The following NKX2-8 variants were observed in gnomAD, a reference collection of about 807,000 sequenced individuals.
NKX2-8 encodes the protein homeobox protein Nkx-2.8.
In NKX2-8, 8 loss-of-function variants were observed where a neutral mutation model predicts 6.4. That is an observed-to-expected ratio of 1.24 (90% CI 0.73 to 2.24). The LOEUF (loss-of-function observed/expected upper bound fraction) is 2.24. Among genes scored for constraint, NKX2-8 ranks in the 30% most tolerant of loss-of-function variants. The pLI is 0.00. For missense variants in NKX2-8, 406 were observed against 351.1 expected (o/e 1.16, Z -1.25); for synonymous variants, 216 against 171.5 (o/e 1.26, Z -2.03).
At position 36,580,999 on chromosome 14, in the gene NKX2-8, A is replaced by G; in HGVS notation, c.623T>C (p.Leu208Pro). The G allele has an allele frequency of 7.4e-7, 1 of 1,350,046 alleles. No individual in the cohort carries two copies. The highest frequency in any genetic ancestry group is 2.0e-5 in the South Asian group (1 of 49,144). 83.6% of individuals were successfully genotyped at this position (1,350,046 alleles called of 1,614,324 possible). A position where few individuals can be genotyped will look rare whatever the true frequency, so the allele number is the denominator to read the frequency against. The change falls in exon 2 of 2, where the codon CTG (leucine) becomes CCG (proline). Residue 208 changes from leucine to proline, a missense_variant. Transcript: ENST00000258829. ...CGAPPAAACP[L>P]PGYPAFGPGS... ...GGGACCGAAGGCAGGGTAGCCCGGCAGAGGGCAGGCGGCGGCTGGAGGGGC... is the reference window on the plus strand; with the variant it reads ...GGGACCGAAGGCAGGGTAGCCCGGCGGAGGGCAGGCGGCGGCTGGAGGGGC...
In NKX2-8 at chr14:36,581,004, G is replaced by A. The variant is rs960854205; in HGVS notation, c.618C>T (p.Cys206=). ...EKCGAPPAAA[C]PLPGYPAFGP... ...CGAAGGCAGGGTAGCCCGGCAGAGG[G>A]CAGGCGGCGGCTGGAGGGGCGCCGC... Residue 206 remains cysteine (C), a synonymous_variant, in exon 2 of 2, where the codon TGC becomes TGT. Transcript: ENST00000258829. The surrounding 1 kb of genome is among the most constrained non-coding windows in gnomAD (Gnocchi z 5.6). 1.5e-6 allele frequency: 2 copies of A among 1,349,598 alleles called. No individual in the cohort carries two copies. Among genetic ancestry groups the A allele is most frequent in the Admixed American group, 8.2e-5 (2 of 24,392 alleles). 83.6% of individuals were successfully genotyped at this position (1,349,598 alleles called of 1,614,324 possible).
chr14:36,580,172 G>A lies in NKX2-8; in HGVS notation c.*730C>T, dbSNP rs1482744427. Among the ~76,000 whole-genome samples the A allele has an allele frequency of 6.6e-6, 1 of 152,168 alleles. No individual in the cohort carries two copies. The highest frequency in any genetic ancestry group is 2.4e-5 in the African/African-American group (1 of 41,432). ...TCCGGTGCAGCGCGCCCCGCACCTG[G>A]CCTCGCCGGCTCATCTCCGGAGAAA... is the stretch of plus-strand genomic sequence containing the variant. On this transcript the variant is annotated 3_prime_UTR_variant, in exon 2 of 2. Transcript: ENST00000258829.
chr14:36,581,413 G>C lies in NKX2-8; in HGVS notation c.209C>G (p.Pro70Arg). 1.3e-6 allele frequency: 2 copies of C among 1,592,626 alleles called. No individual in the cohort carries two copies. The highest frequency in any genetic ancestry group is 1.7e-4 in the Middle Eastern group (1 of 5,830). Residue 70 changes from proline (P) to arginine (R), a missense_variant, in exon 2 of 2, where the codon CCG becomes CGG. Pro to Arg is a moderately radical substitution (Grantham distance 103, BLOSUM62 -2). Transcript: ENST00000258829. The surrounding 1 kb of genome is among the most constrained non-coding windows in gnomAD (Gnocchi z 5.6). ...ETSPPDSSQR[P>R]SARPASPGSD... ...GCCCGGAGACGCGGGCCTAGCGGAC[G>C]GCCGCTGCGACGAGTCTGGCGGGCT...
In NKX2-8 at chr14:36,581,793, G is replaced by T. The variant is rs1043473647; in HGVS notation, c.158-329C>A. Among the ~76,000 whole-genome samples, 3 of 152,104 alleles carry T rather than the reference G, an allele frequency of 2.0e-5. No homozygotes were observed. The highest frequency in any genetic ancestry group is 4.4e-5 in the Non-Finnish European group (3 of 68,020). ...CACCAGCGCCGGCCTCCTCCAGGTC[G>T]ACTGCACTGCAGTGTGCCGAGGTTT... On this transcript the variant is annotated intron_variant, in intron 1 of 1. Transcript: ENST00000258829. The surrounding 1 kb of genome is among the most constrained non-coding windows in gnomAD (Gnocchi z 5.6).
In NKX2-8 at chr14:36,581,077, C is replaced by T. The variant is rs1420437571; in HGVS notation, c.545G>A (p.Gly182Asp). 6 of 1,397,406 alleles carry T rather than the reference C, an allele frequency of 4.3e-6. No individual in the cohort carries two copies. The highest frequency in any genetic ancestry group is 3.0e-5 in the African/African-American group (2 of 65,974). The allele number at this position is 1,397,406 out of a possible 1,614,324, so 86.6% of individuals were successfully genotyped here. The change falls in exon 2 of 2, where the codon GGC becomes GAC. Residue 182 changes from glycine to aspartate, a missense_variant. Gly to Asp is a moderately conservative substitution (Grantham distance 94). Coordinates refer to ENST00000258829, the MANE Select transcript of NKX2-8 (RefSeq NM_014360.4). This position sits in a 1 kb window ranked among gnomAD's most constrained non-coding sequence, Gnocchi z 5.6. ...TCCCACCTCGCCACCGCCGCCGCCGCCGCACGGCTGCCCGTCGCGAACAAG... is the reference window on the plus strand; with the variant it reads ...TCCCACCTCGCCACCGCCGCCGCCGTCGCACGGCTGCCCGTCGCGAACAAG... ...PVLVRDGQPC[G>D]GGGGGEVGTA...
In NKX2-8 at chr14:36,581,123, G is replaced by A; in HGVS notation, c.499C>T (p.Arg167Cys). Residue 167 changes from arginine (R) to cysteine (C), a missense_variant, in exon 2 of 2, where the codon CGT (arginine) becomes TGT (cysteine). By Grantham distance (180) the Arg-to-Cys change is radical. Coordinates refer to ENST00000258829, the MANE Select transcript of NKX2-8 (RefSeq NM_014360.4). This position sits in a 1 kb window ranked among gnomAD's most constrained non-coding sequence, Gnocchi z 5.6. ...ACAAGCACCGGCACCACCACGCGACGCAGCAGGCCGGGCGCGGCGTGCAGC... is the reference window on the plus strand; with the variant it reads ...ACAAGCACCGGCACCACCACGCGACACAGCAGGCCGGGCGCGGCGTGCAGC... ...AELHAAPGLL[R>C]RVVVPVLVRD... The A allele has an allele frequency of 6.7e-7, 1 of 1,495,264 alleles. No homozygotes were observed. The highest frequency in any genetic ancestry group is 2.3e-5 in the Admixed American group (1 of 42,756). 92.6% of individuals were successfully genotyped at this position (1,495,264 alleles called of 1,614,324 possible). A position where few individuals can be genotyped will look rare whatever the true frequency, so the allele number is the denominator to read the frequency against.
chr14:36,582,092 G>T (rs1421436523), intron 1 of NKX2-8, 141 bp downstream of exon 1: 2 of 907,018 alleles, frequency 2.2e-6, no homozygotes, highest in Non-Finnish European at 3.2e-6. Flanking sequence ...TTCGAGGACA[G>T]GGCTCCCGTT....
Position 36,582,355 on chromosome 14 carries a change from C to T in NKX2-8, c.35G>A (p.Arg12His), listed in dbSNP as rs1177558428. The T allele has an allele frequency of 6.3e-7, 1 of 1,587,668 alleles. No individual in the cohort carries two copies. Among genetic ancestry groups the T allele is most frequent in the Non-Finnish European group, 8.6e-7 (1 of 1,164,242 alleles). The change falls in exon 1 of 2, where the codon CGC becomes CAC. Residue 12 changes from arginine to histidine, a missense_variant. Transcript: ENST00000258829. ...CTGCTCGGGTAAATCTAGAAGGCTGCGCACGGTGAAGCTCAGGCGTCCAGA... is the reference window on the plus strand; with the variant it reads ...CTGCTCGGGTAAATCTAGAAGGCTGTGCACGGTGAAGCTCAGGCGTCCAGA... ...ATSGRLSFTV[R>H]SLLDLPEQDA...
At position 36,582,285 on chromosome 14, in the gene NKX2-8, G is replaced by T. The variant is rs544030467; in HGVS notation, c.105C>A (p.Pro35=). Reference sequence around the variant, plus strand: ...GCCAGGCGGCGCAGGGGTCGGGCTGGGGGGCGCGTGGTTCTGGCTCCCGCC... The same window carrying T: ...GCCAGGCGGCGCAGGGGTCGGGCTGTGGGGCGCGTGGTTCTGGCTCCCGCC... ...LPRREPEPRA[P]QPDPCAAWLD... The change falls in exon 1 of 2, where the codon CCC becomes CCA. Residue 35 remains proline (P), a synonymous_variant. Transcript: ENST00000258829. 2.3e-4 allele frequency: 366 copies of T among 1,608,820 alleles called. No homozygotes were observed. Among genetic ancestry groups the T allele is most frequent in the African/African-American group, 2.1e-3 (154 of 74,954 alleles).
rs1474700362 is a variant in NKX2-8, at chr14:36,581,427, G to C, written c.195C>G (p.Asp65Glu). ...GCCTAGCGGACGGCCGCTGCGACGA[G>C]TCTGGCGGGCTGGTCTCCAGGCTGC... ...DESSLETSPPDSSQRPSARPA... is the reference protein window; with the variant it reads ...DESSLETSPPESSQRPSARPA... The change falls in exon 2 of 2, where the codon GAC becomes GAG. Residue 65 changes from aspartate (D) to glutamate (E), a missense_variant. By Grantham distance (45) the Asp-to-Glu change is conservative. Transcript: ENST00000258829. This position sits in a 1 kb window ranked among gnomAD's most constrained non-coding sequence, Gnocchi z 5.6. The C allele has an allele frequency of 6.3e-7, 1 of 1,587,090 alleles. No individual in the cohort carries two copies. The highest frequency in any genetic ancestry group is 8.6e-7 in the Non-Finnish European group (1 of 1,168,310).
In NKX2-8 at chr14:36,580,835, C is replaced by G. The variant is rs1193879100; in HGVS notation, c.*67G>C. 2 of 1,155,048 alleles carry G rather than the reference C, an allele frequency of 1.7e-6. No individual in the cohort carries two copies. Among genetic ancestry groups the G allele is most frequent in the African/African-American group, 1.6e-5 (1 of 62,688 alleles). 71.5% of individuals were successfully genotyped at this position (1,155,048 alleles called of 1,614,324 possible). ...CGGAGAGCGTTCCAGGCGTTCGGCT[C>G]CGGCCCTGCTCCAATCGCAGAGCGC... On this transcript the variant is annotated 3_prime_UTR_variant, in exon 2 of 2. Transcript: ENST00000258829.
chr14:36,580,801 G>GGAGGCGGACGGAGAGCGTTC lies in NKX2-8; in HGVS notation c.*81_*100dup, dbSNP rs1879195888. ...GGCGCCCAAGGAGATGGGGCTGCAG[G>GGAGGCGGACGGAGAGCGTTC]GAGGCGGACGGAGAGCGTTCCAGGC... On this transcript the variant is annotated 3_prime_UTR_variant, in exon 2 of 2. Coordinates refer to ENST00000258829, the MANE Select transcript of NKX2-8 (RefSeq NM_014360.4). The GGAGGCGGACGGAGAGCGTTC allele has an allele frequency of 5.7e-6, 5 of 879,494 alleles. No individual in the cohort carries two copies. In the South Asian group the frequency reaches 2.7e-4, roughly 48 times the overall value. 54.5% of individuals were successfully genotyped at this position (879,494 alleles called of 1,614,324 possible). A position where few individuals can be genotyped will look rare whatever the true frequency, so the allele number is the denominator to read the frequency against.
chr14:36,581,151 G>A lies in NKX2-8; in HGVS notation c.471C>T (p.Ala157=), dbSNP rs1417236694. 2.5e-6 allele frequency: 4 copies of A among 1,568,748 alleles called. No homozygotes were observed. The highest frequency in any genetic ancestry group is 2.3e-5 in the South Asian group (2 of 86,328). ...GCAGGCCGGGCGCGGCGTGCAGCTCGGCGGATGCTGCCAGGTCAGGCGACT... is the reference window on the plus strand; with the variant it reads ...GCAGGCCGGGCGCGGCGTGCAGCTCAGCGGATGCTGCCAGGTCAGGCGACT... The part of the protein sequence containing the change: ...AAESPDLAAS[A]ELHAAPGLLR... Residue 157 remains alanine, a synonymous_variant, in exon 2 of 2, where the codon GCC becomes GCT. Coordinates refer to ENST00000258829, the MANE Select transcript of NKX2-8 (RefSeq NM_014360.4). The surrounding 1 kb of genome is among the most constrained non-coding windows in gnomAD (Gnocchi z 5.6).
chr14:36,582,062 C>T (rs975635523), intron 1 of NKX2-8, among the ~76,000 whole-genome samples, 171 bp downstream of exon 1: 10 of 152,332 alleles, frequency 6.6e-5, no homozygotes, highest in Admixed American at 5.9e-4. Context: ...ATGTGCCGAC[C>T]GGGATGAATG....
Position 36,582,270 on chromosome 14 carries a change from G to A in NKX2-8, c.120C>T (p.Cys40=). 1 of 1,608,772 alleles carries A rather than the reference G, an allele frequency of 6.2e-7. No homozygotes were observed. Among genetic ancestry groups the A allele is most frequent in the Non-Finnish European group, 8.5e-7 (1 of 1,177,478 alleles). ...CGCGCTCCGAATCCAGCCAGGCGGCGCAGGGGTCGGGCTGGGGGGCGCGTG... is the reference window on the plus strand; with the variant it reads ...CGCGCTCCGAATCCAGCCAGGCGGCACAGGGGTCGGGCTGGGGGGCGCGTG... ...PEPRAPQPDP[C]AAWLDSERGH... Residue 40 remains cysteine, a synonymous_variant, in exon 1 of 2, where the codon TGC becomes TGT. Coordinates refer to ENST00000258829, the MANE Select transcript of NKX2-8 (RefSeq NM_014360.4).
chr14:36,580,179 C>A lies in NKX2-8; in HGVS notation c.*723G>T, dbSNP rs970742755. On this transcript the variant is annotated 3_prime_UTR_variant, in exon 2 of 2. Coordinates refer to ENST00000258829, the MANE Select transcript of NKX2-8 (RefSeq NM_014360.4). ...CAGCGCGCCCCGCACCTGGCCTCGC[C>A]GGCTCATCTCCGGAGAAACTCCTTC... Among the ~76,000 whole-genome samples the A allele has an allele frequency of 7.2e-5, 11 of 152,264 alleles. No homozygotes were observed. Among genetic ancestry groups the A allele is most frequent in the African/African-American group, 2.6e-4 (11 of 41,554 alleles).
At position 36,580,833 on chromosome 14, in the gene NKX2-8, C is replaced by A. The variant is rs939450677; in HGVS notation, c.*69G>T. 8.7e-7 allele frequency: 1 copy of A among 1,146,146 alleles called. No homozygotes were observed. Among genetic ancestry groups the A allele is most frequent in the Non-Finnish European group, 1.1e-6 (1 of 904,882 alleles). The allele number at this position is 1,146,146 out of a possible 1,614,324, so 71.0% of individuals were successfully genotyped here. A position where few individuals can be genotyped will look rare whatever the true frequency, so the allele number is the denominator to read the frequency against. ...GACGGAGAGCGTTCCAGGCGTTCGG[C>A]TCCGGCCCTGCTCCAATCGCAGAGC... On this transcript the variant is annotated 3_prime_UTR_variant, in exon 2 of 2. Coordinates refer to ENST00000258829, the MANE Select transcript of NKX2-8 (RefSeq NM_014360.4).
chr14:36,581,801 T>A lies in NKX2-8; in HGVS notation c.158-337A>T, dbSNP rs1879251727. ...CCGGCCTCCTCCAGGTCGACTGCAC[T>A]GCAGTGTGCCGAGGTTTGCGGAGCC... On this transcript the variant is annotated intron_variant, in intron 1 of 1. Transcript: ENST00000258829. The surrounding 1 kb of genome is among the most constrained non-coding windows in gnomAD (Gnocchi z 5.6). 1.3e-5 allele frequency among the ~76,000 whole-genome samples: 2 copies of A among 151,988 alleles called. No homozygotes were observed. Among genetic ancestry groups the A allele is most frequent in the African/African-American group, 4.8e-5 (2 of 41,378 alleles).
chr14:36,581,038 T>G lies in NKX2-8; in HGVS notation c.584A>C (p.Gln195Pro), dbSNP rs1594434394. The change falls in exon 2 of 2, where the codon CAG becomes CCG. Residue 195 changes from glutamine to proline, a missense_variant. Gln to Pro is a moderately conservative substitution (Grantham distance 76). Transcript: ENST00000258829. This position sits in a 1 kb window ranked among gnomAD's most constrained non-coding sequence, Gnocchi z 5.6. ...GGCTGGAGGGGCGCCGCACTTCTCCTGGGCCGCGGCGGTTCCCACCTCGCC... is the reference window on the plus strand; with the variant it reads ...GGCTGGAGGGGCGCCGCACTTCTCCGGGGCCGCGGCGGTTCCCACCTCGCC... The part of the protein sequence containing the change: ...GGGEVGTAAA[Q>P]EKCGAPPAAA... 1 of 1,366,786 alleles carries G rather than the reference T, an allele frequency of 7.3e-7. No homozygotes were observed. Among genetic ancestry groups the G allele is most frequent in the Admixed American group, 4.0e-5 (1 of 25,090 alleles). The allele number at this position is 1,366,786 out of a possible 1,614,324, so 84.7% of individuals were successfully genotyped here.
Sources: gnomAD v4.1 joint callset for allele counts (sites outside exome capture counted in the v4.1 genomes callset) on GRCh38, gnomAD v4.1.1 for gene constraint, Gnocchi (gnomAD v3.1) non-coding constraint, MANE v1.5 for transcripts, NCBI Gene and HGNC (gene_info 2026-07-23, HGNC 2026-07-21) for gene names.